The following TBC1D22B variants were observed in gnomAD, a reference collection of about 807,000 sequenced individuals.
TBC1D22B encodes TBC1 domain family member 22B.
TBC1D22B carries 32 observed loss-of-function variants against 69.1 expected under a neutral mutation model. The ratio of observed to expected loss-of-function variants is 0.46; its 90% CI spans 0.35 to 0.62. TBC1D22B has a LOEUF of 0.62. Among genes scored for constraint, TBC1D22B ranks in the 20% least tolerant of loss-of-function variants. TBC1D22B has a pLI of 0.00. For missense variants in TBC1D22B, 462 were observed against 630.9 expected, an observed-to-expected ratio of 0.73 and a Z score of 2.87; for synonymous variants, 206 against 229.8, an observed-to-expected ratio of 0.90 and a Z score of 0.94.
intron 12 of TBC1D22B, among the ~76,000 whole-genome samples, chr6:37,328,007 A>G (rs1768477885): frequency 6.6e-6 from 1 of 152,006 alleles, no homozygotes; most frequent in Non-Finnish European, 1.5e-5. Flanking sequence ...GTTGAATGTT[A>G]AAGACCTTTA....
intron 8 of TBC1D22B, among the ~76,000 whole-genome samples, chr6:37,306,810 A>G (rs1307043195): frequency 6.6e-6 from 1 of 152,244 alleles, no homozygotes; most frequent in East Asian, 1.9e-4. Context: ...ATTGACAGGC[A>G]CAGTGTCAGA....
intron 12 of TBC1D22B, 37 bp from the exon 13 acceptor site, chr6:37,331,007 G>A (rs2113798040): frequency 6.2e-7 from 1 of 1,612,104 alleles, no homozygotes; most frequent in Non-Finnish European, 8.5e-7. Flanking sequence ...ATGGTCTACG[G>A]TCTGGTATGA....
chr6:37,327,254 G>A (rs186783096), intron 12 of TBC1D22B, among the ~76,000 whole-genome samples: 1,072 of 96,294 alleles, frequency 0.011, 179 homozygotes, highest in African/African-American at 0.052. Context: ...CGAGGCGGGC[G>A]GATCACGAGG....
At chr6:37,258,042 C>T (rs917263252) in intron 1 of TBC1D22B, 69 bp downstream of exon 1, 7 of 1,552,776 alleles carry the variant, frequency 4.5e-6, no homozygotes, top group Non-Finnish European at 6.1e-6. Context: ...CCCTGAATCC[C>T]GCGGGCCTGG....
intron 6 of TBC1D22B, among the ~76,000 whole-genome samples, chr6:37,285,390 T>A (rs768482482): frequency 7.8e-5 from 11 of 141,296 alleles, no homozygotes; most frequent in Non-Finnish European, 1.4e-4. Context: ...AGTGGCGTGA[T>A]CTTGGCTCAC....
At position 37,321,696 on chromosome 6, in the gene TBC1D22B, G is replaced by A. The variant is rs542293907; in HGVS notation, c.1389+4490G>A. Among the ~76,000 whole-genome samples, 5 of 152,284 alleles carry A rather than the reference G, an allele frequency of 3.3e-5. No homozygotes were observed. In the East Asian group the frequency reaches 7.7e-4, roughly 24 times the overall value. On this transcript the variant is annotated intron_variant, in intron 12 of 12. Coordinates refer to ENST00000373491, the MANE Select transcript of TBC1D22B (RefSeq NM_017772.4). Reference sequence around the variant, plus strand: ...GCTCCAGGGTGGACTGCAGCAGGGAGCCCCCAGGGCTGGTGCAGGTTATGG... The same window carrying A: ...GCTCCAGGGTGGACTGCAGCAGGGAACCCCCAGGGCTGGTGCAGGTTATGG...
rs572798916 is a variant in TBC1D22B, at chr6:37,325,961, A to G, written c.1390-5083A>G. On this transcript the variant is annotated intron_variant, in intron 12 of 12. Transcript: ENST00000373491. Reference sequence around the variant, plus strand: ...GGTGGCAGAGTGGTTCCTTACGGCTAAGCATCACTTCCCTTGGGGGAAGTG... The same window carrying G: ...GGTGGCAGAGTGGTTCCTTACGGCTGAGCATCACTTCCCTTGGGGGAAGTG... Among the ~76,000 whole-genome samples, 4 of 152,296 alleles carry G rather than the reference A, an allele frequency of 2.6e-5. No individual in the cohort carries two copies. In the East Asian group the frequency reaches 5.8e-4, roughly 22 times the overall value.
At chr6:37,273,030 G>C (rs914662902) in intron 2 of TBC1D22B, among the ~76,000 whole-genome samples, 2 of 152,106 alleles carry the variant, frequency 1.3e-5, no homozygotes, top group Admixed American at 6.5e-5. Context: ...TCTCCTGGGG[G>C]AGGGTTCTTG....
chr6:37,279,707 A>T (rs758052350), intron 3 of TBC1D22B, 96 bp downstream of exon 3: 5 of 1,291,836 alleles, frequency 3.9e-6, no homozygotes, highest in Non-Finnish European at 5.3e-6. Flanking sequence ...TCAGGTAGAT[A>T]TTCAACTGGG....
intron 8 of TBC1D22B, among the ~76,000 whole-genome samples, chr6:37,305,579 G>A (rs750018281): frequency 8.5e-4 from 128 of 150,954 alleles, no homozygotes; most frequent in African/African-American, 2.9e-3. Context: ...GTGCAGTGGC[G>A]CAATCTTGGC....
chr6:37,266,779 T>C (rs1237023282), intron 1 of TBC1D22B, among the ~76,000 whole-genome samples: 1 of 152,116 alleles, frequency 6.6e-6, no homozygotes, highest in Non-Finnish European at 1.5e-5. Flanking sequence ...GCCTCATTCT[T>C]TTTAAAAGAT....
intron 8 of TBC1D22B, among the ~76,000 whole-genome samples, chr6:37,298,207 A>T (rs1767448725): frequency 2.6e-5 from 4 of 152,184 alleles, no homozygotes; most frequent in Admixed American, 2.0e-4. Context: ...TAAAAAAAAA[A>T]TCAAAACAAT....
chr6:37,324,116 ATT>A, intron 12 of TBC1D22B: 1 of 310,480 alleles, frequency 3.2e-6, no homozygotes. Context: ...CTAGAAAGGC[ATT>A]TTTACATGCT....
chr6:37,268,478 C>T (rs1047268330), intron 1 of TBC1D22B, among the ~76,000 whole-genome samples: 1 of 152,152 alleles, frequency 6.6e-6, no homozygotes, highest in South Asian at 2.1e-4. Context: ...GTCATTTTGC[C>T]GTGGCCTCCC....
chr6:37,269,826 T>G (rs1766425230), intron 2 of TBC1D22B, among the ~76,000 whole-genome samples, 176 bp downstream of exon 2: 2 of 152,198 alleles, frequency 1.3e-5, no homozygotes, highest in Non-Finnish European at 2.9e-5. Flanking sequence ...AATGGGAAAT[T>G]AACTCCCATT....
intron 8 of TBC1D22B, among the ~76,000 whole-genome samples, chr6:37,300,705 C>T (rs1200453684): frequency 2.0e-5 from 3 of 152,100 alleles, no homozygotes; most frequent in Non-Finnish European, 4.4e-5. Context: ...TCCCCCCACC[C>T]AGGGCCAGTC....
chr6:37,331,300 C>T lies in TBC1D22B; in HGVS notation c.*128C>T. 1 of 911,488 alleles carries T rather than the reference C, an allele frequency of 1.1e-6. No individual in the cohort carries two copies. The highest frequency in any genetic ancestry group is 1.7e-6 in the Non-Finnish European group (1 of 587,114). The allele number at this position is 911,488 out of a possible 1,614,324, so 56.5% of individuals were successfully genotyped here. A position where few individuals can be genotyped will look rare whatever the true frequency, so the allele number is the denominator to read the frequency against. On this transcript the variant is annotated 3_prime_UTR_variant, in exon 13 of 13. Transcript: ENST00000373491. ...TTGTACAAAGCTCACACCCACCGCC[C>T]AGGTCTTAACTTTCTGGCATCCACC...
chr6:37,286,958 CA>C (rs1554184609), intron 6 of TBC1D22B, 48 bp from the exon 7 acceptor site: 75 of 1,529,206 alleles, frequency 4.9e-5, no homozygotes, highest in Admixed American at 2.3e-4. Flanking sequence ...AAAACAAAAA[CA>C]AAAAAAAACT....
chr6:37,276,504 C>G (rs777440147), intron 2 of TBC1D22B, among the ~76,000 whole-genome samples: 2 of 152,140 alleles, frequency 1.3e-5, no homozygotes, highest in Admixed American at 6.6e-5. Context: ...GGAATGACAG[C>G]CTTTTCTCCC....
Sources: gnomAD v4.1 joint callset for allele counts (sites outside exome capture counted in the v4.1 genomes callset) on GRCh38, gnomAD v4.1.1 for gene constraint, MANE v1.5 for transcripts, NCBI Gene and HGNC (gene_info 2026-07-23, HGNC 2026-07-21) for gene names.